The following ATP8B4 variants were observed in gnomAD, a reference collection of about 807,000 sequenced individuals.
The protein encoded by ATP8B4 is probable phospholipid-transporting ATPase IM.
ATP8B4 carries 133 observed loss-of-function variants against 145.6 expected under a neutral mutation model. The ratio of observed to expected loss-of-function variants is 0.91; its 90% CI spans 0.79 to 1.05. The LOEUF is 1.05. Ranked by LOEUF, ATP8B4 falls within the 50% of genes least tolerant of loss-of-function variation. ATP8B4 has a pLI of 0.00. For missense variants in ATP8B4, 1,458 were observed against 1,425.2 expected, an observed-to-expected ratio of 1.02 and a Z score of -0.37; for synonymous variants, 507 against 492.9, an observed-to-expected ratio of 1.03 and a Z score of -0.38.
At chr15:50,097,412 A>G (rs985783265) in intron 2 of ATP8B4, among the ~76,000 whole-genome samples, 18 of 152,322 alleles carry the variant, frequency 1.2e-4, no homozygotes, top group African/African-American at 4.1e-4. Context: ...TACTTTCCAA[A>G]ATGCTGTTGG....
At chr15:50,085,550 G>A (rs1414010673) in intron 2 of ATP8B4, among the ~76,000 whole-genome samples, 1 of 152,000 alleles carries the variant, frequency 6.6e-6, no homozygotes, top group South Asian at 2.1e-4. Context: ...ATGGCAACAT[G>A]ATCACATCCT....
At chr15:49,917,628 A>G (rs2039875187) in intron 19 of ATP8B4, among the ~76,000 whole-genome samples, 1 of 152,328 alleles carries the variant, frequency 6.6e-6, no homozygotes, top group East Asian at 1.9e-4. Flanking sequence ...AGAGAACTGG[A>G]GAATCAGATG....
intron 1 of ATP8B4, among the ~76,000 whole-genome samples, chr15:50,161,892 C>G (rs574371759): frequency 6.6e-6 from 1 of 152,194 alleles, no homozygotes; most frequent in East Asian, 1.9e-4. Context: ...ATTTTTTAAT[C>G]TCATTAATGT....
intron 13 of ATP8B4, among the ~76,000 whole-genome samples, chr15:49,963,071 G>GA (rs1174656469): frequency 3.3e-5 from 5 of 151,318 alleles, no homozygotes; most frequent in East Asian, 3.9e-4. Flanking sequence ...ATTTACAAGA[G>GA]AAAAAACCCG....
At chr15:49,891,234 G>C (rs915744179) in intron 23 of ATP8B4, among the ~76,000 whole-genome samples, 1 of 151,538 alleles carries the variant, frequency 6.6e-6, no homozygotes, top group Non-Finnish European at 1.5e-5. Context: ...TTGTGCCTAA[G>C]TCATCCCAGA....
chr15:50,027,379 G>GTGGATGGGTGGA (rs1555460591), intron 6 of ATP8B4, among the ~76,000 whole-genome samples: 1 of 148,912 alleles, frequency 6.7e-6, no homozygotes, highest in Non-Finnish European at 1.5e-5. Context: ...GGATGGATGG[G>GTGGATGGGTGGA]TGGATGGATG....
At chr15:49,928,254 T>C (rs2040907859) in intron 16 of ATP8B4, among the ~76,000 whole-genome samples, 1 of 152,060 alleles carries the variant, frequency 6.6e-6, no homozygotes. Flanking sequence ...CAGAAGAATG[T>C]GGTTATTTGG....
intron 20 of ATP8B4, among the ~76,000 whole-genome samples, chr15:49,909,836 T>C (rs2039046520): frequency 1.4e-5 from 2 of 148,036 alleles, no homozygotes; most frequent in Non-Finnish European, 3.0e-5. Context: ...CCAAGATACA[T>C]ATTGAGGAAG....
intron 7 of ATP8B4, among the ~76,000 whole-genome samples, chr15:50,008,605 T>C (rs1243879470): frequency 3.9e-5 from 6 of 152,158 alleles, no homozygotes; most frequent in Admixed American, 6.5e-5. Flanking sequence ...TACCATAATA[T>C]AGAAAATATA....
At chr15:50,101,494 G>A (rs2899454) in intron 2 of ATP8B4, among the ~76,000 whole-genome samples, 48,037 of 151,836 alleles carry the variant, frequency 0.32, 8,427 homozygotes, top group East Asian at 0.65. Context: ...AAAAGACAAA[G>A]AGGGAAATTA....
chr15:50,172,839 C>A (rs570003112), intron 1 of ATP8B4, among the ~76,000 whole-genome samples: 1 of 151,976 alleles, frequency 6.6e-6, no homozygotes, highest in South Asian at 2.1e-4. Context: ...GCCACCACCC[C>A]GTCTGGGAGG....
chr15:49,973,063 C>T (rs1015267313), intron 12 of ATP8B4, among the ~76,000 whole-genome samples: 3 of 152,170 alleles, frequency 2.0e-5, no homozygotes, highest in Admixed American at 1.3e-4. Context: ...TAAACAGGCC[C>T]GGTGGAGACT....
In ATP8B4 at chr15:50,025,046, C is replaced by T. The variant is rs1212034040; in HGVS notation, c.362+13722G>A. Among the ~76,000 whole-genome samples, 7 of 152,312 alleles carry T rather than the reference C, an allele frequency of 4.6e-5. No individual in the cohort carries two copies. The East Asian group carries it at 1.4e-3, about 29-fold the overall frequency. The stretch of plus-strand genomic sequence containing the variant: ...GAGTCTAAAATATATTCTGCTTTTG[C>T]CCCAAGAGGCTTTATTTAATTCACT... On this transcript the variant is annotated intron_variant, in intron 6 of 27. Coordinates refer to ENST00000284509, the MANE Select transcript of ATP8B4 (RefSeq NM_024837.4).
chr15:49,961,252 C>T (rs2044047846), intron 14 of ATP8B4, among the ~76,000 whole-genome samples: 1 of 152,096 alleles, frequency 6.6e-6, no homozygotes, highest in Admixed American at 6.5e-5. Flanking sequence ...TATTGATGTA[C>T]CCATTTTTCA....
intron 1 of ATP8B4, among the ~76,000 whole-genome samples, chr15:50,144,713 T>C (rs1033400928): frequency 1.2e-4 from 18 of 152,034 alleles, no homozygotes; most frequent in African/African-American, 4.1e-4. Flanking sequence ...CATGAAAGAA[T>C]AACCTAATAT....
At chr15:50,147,961 C>T (rs954115255) in intron 1 of ATP8B4, among the ~76,000 whole-genome samples, 1 of 152,162 alleles carries the variant, frequency 6.6e-6, no homozygotes, top group East Asian at 1.9e-4. Flanking sequence ...TAACTCCATG[C>T]AATACATATT....
chr15:49,954,438 A>G (rs1274863010), intron 14 of ATP8B4, among the ~76,000 whole-genome samples: 1 of 152,200 alleles, frequency 6.6e-6, no homozygotes, highest in African/African-American at 2.4e-5. Flanking sequence ...TATGCATTCA[A>G]CAAAGACTTA....
chr15:49,965,934 G>A (rs2044495179), intron 13 of ATP8B4, among the ~76,000 whole-genome samples: 1 of 152,146 alleles, frequency 6.6e-6, no homozygotes, highest in South Asian at 2.1e-4. Context: ...TAATCTCATT[G>A]GGACTGGTTA....
chr15:49,944,535 G>GC (rs1224590248), intron 14 of ATP8B4, among the ~76,000 whole-genome samples: 1 of 152,104 alleles, frequency 6.6e-6, no homozygotes, highest in Non-Finnish European at 1.5e-5. Context: ...AAGTCTACAT[G>GC]CCCCCAACAT....
Sources: allele counts gnomAD v4.1 joint callset (sites outside exome capture counted in the v4.1 genomes callset), GRCh38; gene constraint gnomAD v4.1.1; transcripts MANE v1.5; gene names NCBI Gene and HGNC (gene_info 2026-07-23, HGNC 2026-07-21).